The following RASIP1 variants were observed in gnomAD, a reference collection of about 807,000 sequenced individuals.
RASIP1 encodes ras-interacting protein 1.
RASIP1 carries 20 observed loss-of-function variants against 85.3 expected under a neutral mutation model. The observed-to-expected ratio is 0.23, with a 90% CI of 0.17 to 0.34. RASIP1 has a LOEUF of 0.34. RASIP1 is among the 10% of genes least tolerant of loss of function. RASIP1 has a pLI of 1.00. For synonymous variants in RASIP1, 617 were observed against 647.1 expected (o/e 0.95, Z 0.71); for missense variants, 1,170 against 1,390.9 (o/e 0.84, Z 2.53).
rs2033641366 is a variant in RASIP1 at position 48,739,884 on chromosome 19, G to A, written c.138-239C>T. On this transcript the variant is annotated intron_variant, in intron 2 of 11. Transcript: ENST00000222145. The surrounding 1 kb of genome is among the most constrained non-coding windows in gnomAD (Gnocchi z 9.2). ...AAATTCCAAGAGGTGAGCAGGGAGG[G>A]GAGGAAGGAAGGTGAATCAATCCCC... Among the ~76,000 whole-genome samples the A allele has an allele frequency of 6.6e-6, 1 of 151,994 alleles. No individual in the cohort carries two copies. Among genetic ancestry groups the A allele is most frequent in the African/African-American group, 2.4e-5 (1 of 41,354 alleles).
At chr19:48,727,682 C>CTTTT (rs778318979) in intron 5 of RASIP1, among the ~76,000 whole-genome samples, 10 of 121,780 alleles carry the variant, frequency 8.2e-5, no homozygotes, top group Non-Finnish European at 1.2e-4. Flanking sequence ...CATACGGATT[C>CTTTT]TTTTTTTTTT....
At chr19:48,737,927 G>A (rs2033602897) in intron 3 of RASIP1, 2 of 985,042 alleles carry the variant, frequency 2.0e-6, no homozygotes, top group Non-Finnish European at 1.2e-6. Context: ...TTTTTCTGGA[G>A]GACAGTTTTT....
Position 48,729,230 on chromosome 19 carries a change from G to T in RASIP1, c.1540C>A (p.Pro514Thr). 1.4e-6 allele frequency: 2 copies of T among 1,389,448 alleles called. No individual in the cohort carries two copies. The highest frequency in any genetic ancestry group is 1.9e-6 in the Non-Finnish European group (2 of 1,076,104). 86.1% of individuals were successfully genotyped at this position (1,389,448 alleles called of 1,614,324 possible). A position where few individuals can be genotyped will look rare whatever the true frequency, so the allele number is the denominator to read the frequency against. ...PARPGATPPGPGWAFSCRLCG... is the reference protein window; with the variant it reads ...PARPGATPPGTGWAFSCRLCG... ...AGGCGACAGGAGAAGGCCCAGCCAG[G>T]GCCTGGCGGCGTGGCCCCGGGGCGC... The change falls in exon 5 of 12, where the codon CCT becomes ACT. Residue 514 changes from proline to threonine, a missense_variant. Pro to Thr is a conservative substitution (Grantham distance 38). Around this residue, in one of 4 missense-constraint regions of RASIP1, gnomAD observed 426 missense variants for 576.2 expected, o/e 0.74. Transcript: ENST00000222145.
At chr19:48,728,275 A>C (rs1236589838) in intron 5 of RASIP1, among the ~76,000 whole-genome samples, 2 of 152,160 alleles carry the variant, frequency 1.3e-5, no homozygotes, top group African/African-American at 4.8e-5. Context: ...CTCCAAGCCC[A>C]ATGGGCTGCG....
At chr19:48,722,720 C>T (rs1198635664) in intron 10 of RASIP1, among the ~76,000 whole-genome samples, 2 of 152,020 alleles carry the variant, frequency 1.3e-5, no homozygotes, top group African/African-American at 2.4e-5. Context: ...TTCAAAAATC[C>T]CAGGTGGGTC....
intron 8 of RASIP1, 136 bp from the exon 9 acceptor site, chr19:48,725,096 A>G (rs563385587): frequency 1.9e-6 from 2 of 1,061,092 alleles, no homozygotes; most frequent in Non-Finnish European, 2.7e-6. Context: ...GTCAACACCC[A>G]AAGGGTCTCC....
chr19:48,727,262 C>G, intron 6 of RASIP1, 104 bp from the exon 7 acceptor site: 3 of 1,546,778 alleles, frequency 1.9e-6, no homozygotes, highest in Non-Finnish European at 2.6e-6. Flanking sequence ...ACTCCCATTG[C>G]GCAGCTGGAA....
chr19:48,729,708 T>TA, intron 4 of RASIP1, 118 bp from the exon 5 acceptor site: 17 of 438,346 alleles, frequency 3.9e-5, no homozygotes, highest in African/African-American at 9.4e-5. Flanking sequence ...TCCTTCTTCT[T>TA]CTTTTTTTTT....
chr19:48,737,829 A>C (rs1044790955), intron 3 of RASIP1: 53 of 974,218 alleles, frequency 5.4e-5, no homozygotes, highest in Middle Eastern at 5.2e-4. Context: ...CCCGCCCCAC[A>C]ACATGCCCCG....
intron 5 of RASIP1, among the ~76,000 whole-genome samples, chr19:48,728,656 C>A (rs1418018608): frequency 6.6e-6 from 1 of 152,074 alleles, no homozygotes; most frequent in Non-Finnish European, 1.5e-5. Flanking sequence ...CCCAGCTACT[C>A]GGGAGGCTGA....
chr19:48,726,468 C>T (rs1601276709), intron 8 of RASIP1, among the ~76,000 whole-genome samples: 1 of 152,160 alleles, frequency 6.6e-6, no homozygotes, highest in East Asian at 1.9e-4. Context: ...TCAAGTGATC[C>T]ACCCGCCTTG....
At position 48,739,433 on chromosome 19, in the gene RASIP1, C is replaced by G; in HGVS notation, c.350G>C (p.Arg117Pro). 6.9e-7 allele frequency: 1 copy of G among 1,446,196 alleles called. No homozygotes were observed. The highest frequency in any genetic ancestry group is 9.0e-7 in the Non-Finnish European group (1 of 1,105,540). 89.6% of individuals were successfully genotyped at this position (1,446,196 alleles called of 1,614,324 possible). A position where few individuals can be genotyped will look rare whatever the true frequency, so the allele number is the denominator to read the frequency against. The change falls in exon 3 of 12, where the codon CGC becomes CCC. Residue 117 changes from arginine to proline, a missense_variant. Physicochemically the swap from Arg to Pro is moderately radical, Grantham distance 103 (BLOSUM62 -2). Coordinates refer to ENST00000222145, the MANE Select transcript of RASIP1 (RefSeq NM_017805.3). The surrounding 1 kb of genome is among the most constrained non-coding windows in gnomAD (Gnocchi z 9.2). The part of the protein sequence containing the change: ...GGPGTPGGAQ[R>P]WASEKKLPEL... Reference sequence around the variant, plus strand: ...CGGCAGCTTCTTCTCGCTGGCCCAGCGCTGCGCGCCCCCCGGGGTCCCAGG... The same window carrying G: ...CGGCAGCTTCTTCTCGCTGGCCCAGGGCTGCGCGCCCCCCGGGGTCCCAGG...
At position 48,724,288 on chromosome 19, in the gene RASIP1, G is replaced by A. The variant is rs1156750292; in HGVS notation, c.2544+49C>T. 2 of 1,573,452 alleles carry A rather than the reference G, an allele frequency of 1.3e-6. No homozygotes were observed. The highest frequency in any genetic ancestry group is 1.7e-6 in the Non-Finnish European group (2 of 1,152,128). ...CTGAATATAGAAGGTGGCTGAGGGG[G>A]GTTGAGGAGTCAGAGGTCAGGGGTC... On this transcript the variant is annotated intron_variant, in intron 10 of 11. Coordinates refer to ENST00000222145, the MANE Select transcript of RASIP1 (RefSeq NM_017805.3). The surrounding 1 kb of genome is among the most constrained non-coding windows in gnomAD (Gnocchi z 4.6).
intron 3 of RASIP1, among the ~76,000 whole-genome samples, chr19:48,736,897 C>T (rs958514429): frequency 1.3e-5 from 2 of 152,002 alleles, no homozygotes; most frequent in African/African-American, 2.4e-5. Context: ...ATCAGCCAGG[C>T]GTGGTAGTGG....
intron 3 of RASIP1, among the ~76,000 whole-genome samples, chr19:48,736,615 C>A (rs189228948): frequency 1.3e-5 from 2 of 152,288 alleles, no homozygotes; most frequent in East Asian, 3.9e-4. Context: ...CCCTGGCACA[C>A]AGTAGGCACC....
intron 3 of RASIP1, chr19:48,737,629 T>G: frequency 1.0e-6 from 1 of 985,236 alleles, no homozygotes; most frequent in South Asian, 4.7e-5. Context: ...CTGTATTCAC[T>G]CACTCTGCAG....
chr19:48,722,300 ATTTTTTTTT>A (rs71179038), intron 10 of RASIP1, among the ~76,000 whole-genome samples: 4 of 98,334 alleles, frequency 4.1e-5, no homozygotes, highest in Admixed American at 2.2e-4. Flanking sequence ...GTACTTGGGG[ATTTTTTTTT>A]TTTTTTTTTT....
At position 48,729,478 on chromosome 19, in the gene RASIP1, G is replaced by C. The variant is rs745634979; in HGVS notation, c.1292C>G (p.Pro431Arg). 6.3e-7 allele frequency: 1 copy of C among 1,579,428 alleles called. No individual in the cohort carries two copies. The highest frequency in any genetic ancestry group is 8.6e-7 in the Non-Finnish European group (1 of 1,163,544). The change falls in exon 5 of 12, where the codon CCG becomes CGG. Residue 431 changes from proline (P) to arginine (R), a missense_variant. Physicochemically the swap from Pro to Arg is moderately radical, Grantham distance 103 (BLOSUM62 -2). Transcript: ENST00000222145. ...TGTGCAGTGACGCGGCAGGATGTCC[G>C]GGGCGTTGAGGAAGGTGTCCACATA... ...APYVDTFLNA[P>R]DILPRHCTVR...
At position 48,740,172 on chromosome 19, in the gene RASIP1, C is replaced by G. The variant is rs1337310405; in HGVS notation, c.111G>C (p.Arg37=). 6.3e-7 allele frequency: 1 copy of G among 1,596,296 alleles called. No individual in the cohort carries two copies. The highest frequency in any genetic ancestry group is 2.3e-5 in the East Asian group (1 of 43,578). The stretch of plus-strand genomic sequence containing the variant: ...TGACAGAGGCTGCGCTGGGCCAGCG[C>G]CGCCCCAGCTTCGCCAGCTGCTTCC... The part of the protein sequence containing the change: ...SPRKQLAKLG[R]RWPSAASVKS... Residue 37 remains arginine, a synonymous_variant, in exon 2 of 12, where the codon CGG becomes CGC. Transcript: ENST00000222145. The surrounding 1 kb of genome is among the most constrained non-coding windows in gnomAD (Gnocchi z 5.5).
Sources: gnomAD v4.1 joint callset for allele counts (sites outside exome capture counted in the v4.1 genomes callset) on GRCh38, gnomAD v4.1.1 for gene constraint, gnomAD v4.1.1 regional missense constraint, Gnocchi (gnomAD v3.1) non-coding constraint, MANE v1.5 for transcripts, NCBI Gene and HGNC (gene_info 2026-07-23, HGNC 2026-07-21) for gene names.